Variants in FAAH2 observed in about 807,000 individuals in gnomAD.
FAAH2 encodes fatty-acid amide hydrolase 2.
In FAAH2, 60 loss-of-function variants were observed where a neutral mutation model predicts 36.9. That is an observed-to-expected ratio of 1.63 (90% CI 1.32 to 2.02). The LOEUF is 2.02. Ranked by LOEUF, FAAH2 falls within the 30% of genes most tolerant of loss-of-function variation. The pLI is 0.00. For synonymous variants in FAAH2, 214 were observed against 143.8 expected (o/e 1.49, Z -3.49); for missense variants, 689 against 397.5 (o/e 1.73, Z -6.23).
At chrX:57,179,741 C>G in the FAAH2 span, among the ~76,000 whole-genome samples, 1 of 111,474 alleles carries the variant, frequency 9.0e-6, no homozygotes, top group Non-Finnish European at 1.9e-5. Context: ...ATATTCAGGA[C>G]CTGAACCCAG....
chrX:57,412,211 CT>C (rs1438987874), intron 7 of FAAH2, among the ~76,000 whole-genome samples: 1 of 111,118 alleles, frequency 9.0e-6, no homozygotes, highest in South Asian at 3.8e-4. Context: ...TTTATTCTTT[CT>C]TTTTTTTAAA....
At chrX:57,299,135 G>A (rs1052243085) in intron 2 of FAAH2, among the ~76,000 whole-genome samples, 1 of 111,238 alleles carries the variant, frequency 9.0e-6, no homozygotes, top group African/African-American at 3.3e-5. Flanking sequence ...ACCAAAGCCT[G>A]ACAGAGACAC....
At chrX:57,144,332 G>A in the FAAH2 span, among the ~76,000 whole-genome samples, 1 of 99,743 alleles carries the variant, frequency 1.0e-5, no homozygotes, top group African/African-American at 3.7e-5. Flanking sequence ...TAACATTCTT[G>A]TATTTGGATA....
the FAAH2 span, among the ~76,000 whole-genome samples, chrX:57,254,101 C>CA: frequency 0.012 from 1,211 of 97,449 alleles, 20 homozygotes; most frequent in African/African-American, 0.042. Context: ...ATCTACCAAG[C>CA]AAAAAAAAAA....
the FAAH2 span, among the ~76,000 whole-genome samples, chrX:57,250,533 G>T: frequency 7.2e-5 from 8 of 110,728 alleles, no homozygotes; most frequent in African/African-American, 2.6e-4. Context: ...AAAATAGTGC[G>T]TTTGTTAGGT....
upstream of FAAH2, among the ~76,000 whole-genome samples, chrX:57,284,912 A>G (rs2146756109): frequency 8.9e-6 from 1 of 112,185 alleles, no homozygotes; most frequent in South Asian, 3.7e-4. Flanking sequence ...TAGGATTTGG[A>G]TTCAGGTCTG....
At chrX:57,150,029 T>C in the FAAH2 span, among the ~76,000 whole-genome samples, 6 of 112,207 alleles carry the variant, frequency 5.3e-5, no homozygotes, top group East Asian at 1.1e-3. Flanking sequence ...ACAGTAGTCA[T>C]TCAGGAGCAG....
chrX:57,425,715 C>A (rs896235980), intron 7 of FAAH2, among the ~76,000 whole-genome samples: 5 of 111,140 alleles, frequency 4.5e-5, no homozygotes, highest in African/African-American at 1.6e-4. Context: ...TGACAGAGTT[C>A]TAAATAAGGA....
chrX:57,172,549 A>G, the FAAH2 span, among the ~76,000 whole-genome samples: 2 of 112,425 alleles, frequency 1.8e-5, no homozygotes, highest in Non-Finnish European at 3.8e-5. Flanking sequence ...CCACTACCTT[A>G]TCACAAGGGC....
intron 8 of FAAH2, among the ~76,000 whole-genome samples, chrX:57,444,345 G>A (rs1188807590): frequency 8.9e-6 from 1 of 112,105 alleles, no homozygotes; most frequent in Non-Finnish European, 1.9e-5. Context: ...CCACCTTGCA[G>A]TTTGATCTCA....
intron 7 of FAAH2, among the ~76,000 whole-genome samples, chrX:57,388,748 C>T (rs920053113): frequency 2.7e-5 from 3 of 111,159 alleles, no homozygotes; most frequent in Non-Finnish European, 5.7e-5. Flanking sequence ...AACTTCTGTG[C>T]ATCACTTATT....
chrX:57,253,190 A>G, the FAAH2 span, among the ~76,000 whole-genome samples: 8 of 111,085 alleles, frequency 7.2e-5, no homozygotes, highest in East Asian at 8.5e-4. Flanking sequence ...AATTAATGAA[A>G]TAAAGCCAGA....
At chrX:57,440,751 T>C (rs2056533207) in intron 8 of FAAH2, among the ~76,000 whole-genome samples, 1 of 111,277 alleles carries the variant, frequency 9.0e-6, no homozygotes, top group Non-Finnish European at 1.9e-5. Context: ...GCATAAATAG[T>C]TCTTATTATT....
chrX:57,198,607 T>C, the FAAH2 span, among the ~76,000 whole-genome samples: 1 of 112,584 alleles, frequency 8.9e-6, no homozygotes, highest in Non-Finnish European at 1.9e-5. Context: ...CCCTGGATTT[T>C]ACCCAGGATA....
the FAAH2 span, among the ~76,000 whole-genome samples, chrX:57,183,717 A>T: frequency 9.0e-6 from 1 of 111,489 alleles, no homozygotes; most frequent in Admixed American, 9.6e-5. Flanking sequence ...TGATTGTAAA[A>T]CTTGTGTTTG....
chrX:57,349,325 A>G (rs1232823864), intron 5 of FAAH2, among the ~76,000 whole-genome samples: 1 of 97,292 alleles, frequency 1.0e-5, no homozygotes, highest in Non-Finnish European at 2.0e-5. Flanking sequence ...ATATACATAT[A>G]TACACATATA....
At chrX:57,442,325 A>C (rs2056577625) in intron 8 of FAAH2, among the ~76,000 whole-genome samples, 2 of 111,787 alleles carry the variant, frequency 1.8e-5, no homozygotes, top group African/African-American at 6.5e-5. Context: ...TAGGATAGTT[A>C]GCTCTTCTTG....
intron 5 of FAAH2, among the ~76,000 whole-genome samples, chrX:57,352,988 A>G (rs2054064706): frequency 9.0e-6 from 1 of 111,090 alleles, no homozygotes; most frequent in East Asian, 2.8e-4. Context: ...TTCTATGCTC[A>G]TACGTCAGAA....
intron 7 of FAAH2, among the ~76,000 whole-genome samples, chrX:57,425,863 T>C (rs1005882066): frequency 2.6e-4 from 1 of 3,877 alleles, no homozygotes; most frequent in Non-Finnish European, 0.014. Flanking sequence ...GCCTTGAATG[T>C]GTGAATGAAT....
Sources: gnomAD v4.1 joint callset for allele counts (sites outside exome capture counted in the v4.1 genomes callset) on GRCh38, gnomAD v4.1.1 for gene constraint, MANE v1.5 for transcripts, NCBI Gene and HGNC (gene_info 2026-07-23, HGNC 2026-07-21) for gene names.